CLIP3: variants seen among roughly 807,000 people sequenced by gnomAD.
CLIP3 encodes CAP-Gly domain containing linker protein 3, also known as CAP-Gly domain-containing linker protein 3.
A neutral mutation model predicts 59.4 loss-of-function variants in CLIP3; 15 were observed. The observed-to-expected ratio is 0.25, with a 90% CI of 0.17 to 0.39. CLIP3 has a LOEUF of 0.39. Among genes scored for constraint, CLIP3 ranks in the 10% least tolerant of loss-of-function variants. The pLI is 1.00. For synonymous variants in CLIP3, 300 were observed against 321.6 expected, an observed-to-expected ratio of 0.93 and a Z score of 0.72; for missense variants, 495 against 765.7, an observed-to-expected ratio of 0.65 and a Z score of 4.17.
intron 9 of CLIP3, among the ~76,000 whole-genome samples, chr19:36,018,345 G>A (rs547794648): frequency 3.2e-4 from 48 of 152,270 alleles, no homozygotes; most frequent in African/African-American, 1.2e-3. Flanking sequence ...TTGAGAGGCC[G>A]AGGCGGGCAG....
In CLIP3 at chr19:36,026,331, C is replaced by T. The variant is rs567057248; in HGVS notation, c.563-66G>A. On this transcript the variant is annotated intron_variant, in intron 5 of 13. Transcript: ENST00000360535. This position sits in a 1 kb window ranked among gnomAD's most constrained non-coding sequence, Gnocchi z 6.3. ...TGGGACCCCAGCCCTCCTCCCACCT[C>T]GGGGCTCATCTCTTAACTTGCAGGT... 1.3e-5 allele frequency: 18 copies of T among 1,386,438 alleles called. No homozygotes were observed. Among genetic ancestry groups the T allele is most frequent in the Non-Finnish European group, 1.8e-5 (18 of 981,600 alleles). 85.9% of individuals were successfully genotyped at this position (1,386,438 alleles called of 1,614,324 possible).
rs1392014544 is a variant in CLIP3 at position 36,016,330 on chromosome 19, C to T, written c.1590-118G>A. On this transcript the variant is annotated intron_variant, in intron 13 of 13. Transcript: ENST00000360535. The surrounding 1 kb of genome is among the most constrained non-coding windows in gnomAD (Gnocchi z 4.1). ...AGGCCTTTCTGGATTCTGCCTCTAC[C>T]TCTCTGGCTGTGGTTTGTTTGTTTG... 4 of 1,126,778 alleles carry T rather than the reference C, an allele frequency of 3.5e-6. No individual in the cohort carries two copies. The allele number at this position is 1,126,778 out of a possible 1,614,324, so 69.8% of individuals were successfully genotyped here.
chr19:36,029,364 A>G (rs1037859296), intron 2 of CLIP3, among the ~76,000 whole-genome samples: 2 of 150,872 alleles, frequency 1.3e-5, no homozygotes, highest in Non-Finnish European at 2.9e-5. Context: ...ATAGCTCACT[A>G]CAGCCTTGAA....
chr19:36,031,003 CTTTTCTTTTTTTTTTTTTTCTT>C (rs1568545496), intron 2 of CLIP3, among the ~76,000 whole-genome samples: 4 of 62,840 alleles, frequency 6.4e-5, no homozygotes, highest in Non-Finnish European at 1.3e-4. Flanking sequence ...TTCTTTTTTT[CTTTTCTTTTTTTTTTTTTTCTT>C]TTTTTTTTTT....
intron 3 of CLIP3, 42 bp downstream of exon 3, chr19:36,027,090 G>A (rs1228938546): frequency 6.3e-7 from 1 of 1,594,042 alleles, no homozygotes; most frequent in African/African-American, 1.4e-5. Context: ...CACATGTGGG[G>A]AACCGCATCC....
chr19:36,025,885 A>C (rs1414870785), intron 6 of CLIP3, among the ~76,000 whole-genome samples: 1 of 152,226 alleles, frequency 6.6e-6, no homozygotes, highest in Non-Finnish European at 1.5e-5. Context: ...GCTGTTATGC[A>C]CTGCCATGGG....
Position 36,017,924 on chromosome 19 carries a change from C to G in CLIP3, c.1251G>C (p.Glu417Asp). The G allele has an allele frequency of 1.2e-6, 2 of 1,614,144 alleles. No individual in the cohort carries two copies. The highest frequency in any genetic ancestry group is 2.2e-5 in the South Asian group (2 of 91,084). ...SLQQRDGAKA[E>D]VGDQVLVAGQ... is the part of the protein sequence containing the mutation. ...CCGCGACAAGGACCTGGTCTCCAAC[C>G]TCAGCCTTGGCCCCGTCACGCTGCT... The change falls in exon 10 of 14, where the codon GAG becomes GAC. Residue 417 changes from glutamate to aspartate, a missense_variant. Coordinates refer to ENST00000360535, the MANE Select transcript of CLIP3 (RefSeq NM_015526.3).
intron 6 of CLIP3, among the ~76,000 whole-genome samples, chr19:36,025,590 CA>C (rs67275508): frequency 0.039 from 4,359 of 110,714 alleles, 179 homozygotes; most frequent in African/African-American, 0.13. Flanking sequence ...GTCTCTGTCT[CA>C]AAAAAAAAAA....
At position 36,016,405 on chromosome 19, in the gene CLIP3, T is replaced by C. The variant is rs1051720056; in HGVS notation, c.1590-193A>G. Among the ~76,000 whole-genome samples, 2 of 152,200 alleles carry C rather than the reference T, an allele frequency of 1.3e-5. No individual in the cohort carries two copies. ...CTCTGTCACCCAGGCTGGAGTGCCA[T>C]GGCACGATCTCGGCTCACTGCAACC... On this transcript the variant is annotated intron_variant, in intron 13 of 13. Coordinates refer to ENST00000360535, the MANE Select transcript of CLIP3 (RefSeq NM_015526.3). This position sits in a 1 kb window ranked among gnomAD's most constrained non-coding sequence, Gnocchi z 4.1.
chr19:36,029,306 C>CAA (rs774000215), intron 2 of CLIP3, among the ~76,000 whole-genome samples: 43,678 of 119,734 alleles, frequency 0.36, 8,298 homozygotes, highest in East Asian at 0.42. Flanking sequence ...GAGTCCGTCT[C>CAA]AAAAAAAAAA....
chr19:36,021,562 T>C (rs1968952380), intron 7 of CLIP3, among the ~76,000 whole-genome samples: 1 of 152,218 alleles, frequency 6.6e-6, no homozygotes, highest in African/African-American at 2.4e-5. Flanking sequence ...TAGCTAGGAC[T>C]ATAGGTGTGT....
rs1599707316 is a variant in CLIP3 at position 36,032,325 on chromosome 19, C to T, written c.33G>A (p.Pro11=). The T allele has an allele frequency of 9.4e-6, 12 of 1,271,088 alleles. No homozygotes were observed. In the Middle Eastern group the frequency reaches 1.2e-3, roughly 131 times the overall value. 78.7% of individuals were successfully genotyped at this position (1,271,088 alleles called of 1,614,324 possible). A position where few individuals can be genotyped will look rare whatever the true frequency, so the allele number is the denominator to read the frequency against. The part of the protein sequence containing the change: MTKTDPAPMA[P]PPRGEEEEEE... The stretch of plus-strand genomic sequence containing the variant: ...CTTCTTCCTCCTCTCCTCGGGGTGG[C>T]GGGGCCATCGGGGCAGGATCTGTCT... Residue 11 remains proline, a synonymous_variant, in exon 2 of 14, where the codon CCG becomes CCA. Coordinates refer to ENST00000360535, the MANE Select transcript of CLIP3 (RefSeq NM_015526.3). This position sits in a 1 kb window ranked among gnomAD's most constrained non-coding sequence, Gnocchi z 4.3.
Position 36,032,492 on chromosome 19 carries a change from G to A in CLIP3, c.-58-77C>T. On this transcript the variant is annotated intron_variant, in intron 1 of 13. Coordinates refer to ENST00000360535, the MANE Select transcript of CLIP3 (RefSeq NM_015526.3). This position sits in a 1 kb window ranked among gnomAD's most constrained non-coding sequence, Gnocchi z 4.3. The stretch of plus-strand genomic sequence containing the variant: ...GCCCCTAGGAGCTTCCAGGGCCCCG[G>A]GTGGCCTCCGCGCAACTGGATCTTG... 2.4e-6 allele frequency: 1 copy of A among 414,424 alleles called. No individual in the cohort carries two copies. The highest frequency in any genetic ancestry group is 4.2e-6 in the Non-Finnish European group (1 of 240,858). 25.7% of individuals were successfully genotyped at this position (414,424 alleles called of 1,614,324 possible).
In CLIP3 at chr19:36,014,990, A is replaced by T. The variant is rs578001234; in HGVS notation, c.*1168T>A. On this transcript the variant is annotated 3_prime_UTR_variant, in exon 14 of 14. Coordinates refer to ENST00000360535, the MANE Select transcript of CLIP3 (RefSeq NM_015526.3). ...CTTGGAATTTGGTGTCTTGAAACCCATGGACTCGGGGCATTGAAATTCTCC... is the reference window on the plus strand; with the variant it reads ...CTTGGAATTTGGTGTCTTGAAACCCTTGGACTCGGGGCATTGAAATTCTCC... The T allele has an allele frequency of 6.6e-6, 1 of 152,342 alleles. No individual in the cohort carries two copies. Among genetic ancestry groups the T allele is most frequent in the South Asian group, 2.1e-4 (1 of 4,866 alleles). The allele number at this position is 152,342 out of a possible 1,614,324, so 9.4% of individuals were successfully genotyped here.
Position 36,032,155 on chromosome 19 carries a change from G to A in CLIP3, c.166+37C>T. 8.4e-7 allele frequency: 1 copy of A among 1,190,776 alleles called. No homozygotes were observed. The highest frequency in any genetic ancestry group is 1.1e-6 in the Non-Finnish European group (1 of 934,952). The allele number at this position is 1,190,776 out of a possible 1,614,324, so 73.8% of individuals were successfully genotyped here. On this transcript the variant is annotated intron_variant, in intron 2 of 13. Coordinates refer to ENST00000360535, the MANE Select transcript of CLIP3 (RefSeq NM_015526.3). This position sits in a 1 kb window ranked among gnomAD's most constrained non-coding sequence, Gnocchi z 4.3. ...AGCCCACCCTCCCCGGCCACCCAAC[G>A]CTCCAGGCCAGATTCCAGGGTGGGG...
intron 7 of CLIP3, among the ~76,000 whole-genome samples, chr19:36,023,594 G>T (rs1969011095): frequency 1.3e-5 from 2 of 150,476 alleles, no homozygotes; most frequent in Non-Finnish European, 3.0e-5. Context: ...ATAGAGGCAG[G>T]ATCTCACTAT....
At position 36,016,888 on chromosome 19, in the gene CLIP3, A is replaced by T. The variant is rs964158488; in HGVS notation, c.1589+19T>A. On this transcript the variant is annotated intron_variant, in intron 13 of 13. Transcript: ENST00000360535. This position sits in a 1 kb window ranked among gnomAD's most constrained non-coding sequence, Gnocchi z 4.1. The stretch of plus-strand genomic sequence containing the variant: ...CCCTGAATGTCACATAGGAGAGGGG[A>T]CAGGGGTTGGCCACACACCTGGAAA... 1.9e-6 allele frequency: 3 copies of T among 1,611,850 alleles called. No homozygotes were observed. The highest frequency in any genetic ancestry group is 2.5e-6 in the Non-Finnish European group (3 of 1,178,758).
intron 3 of CLIP3, 23 bp from the exon 4 acceptor site, chr19:36,027,068 G>A (rs751998617): frequency 4.4e-6 from 7 of 1,600,768 alleles, no homozygotes; most frequent in South Asian, 1.1e-5. Flanking sequence ...GGGGAGCAGG[G>A]AGGGTCACCC....
At chr19:36,024,282 C>G (rs898450847) in intron 7 of CLIP3, 114 bp downstream of exon 7, 1 of 819,960 alleles carries the variant, frequency 1.2e-6, no homozygotes, top group South Asian at 1.7e-5. Flanking sequence ...ATAGTTAGGG[C>G]GGCAAGTAGA....
Sources: allele counts gnomAD v4.1 joint callset (sites outside exome capture counted in the v4.1 genomes callset), GRCh38; gene constraint gnomAD v4.1.1; non-coding constraint Gnocchi (gnomAD v3.1); transcripts MANE v1.5; gene names NCBI Gene and HGNC (gene_info 2026-07-23, HGNC 2026-07-21).